ACYP2: variants seen among roughly 807,000 people sequenced by gnomAD.
ACYP2 encodes the protein acylphosphatase-2.
Under a neutral mutation model 11.2 loss-of-function variants are expected in ACYP2, and 12 were observed. That is an observed-to-expected ratio of 1.08 (90% confidence interval 0.69 to 1.74). The LOEUF is 1.74. Ranked by LOEUF, ACYP2 falls within the 40% of genes most tolerant of loss-of-function variation. The probability of loss-of-function intolerance (pLI) is 0.00; values close to 1 mark genes in which losing one functional copy is unlikely to be tolerated. For synonymous variants in ACYP2, 43 were observed against 32.2 expected, an observed-to-expected ratio of 1.33 and a Z score of -1.13; for missense variants, 134 against 101.9, an observed-to-expected ratio of 1.31 and a Z score of -1.35.
intron 4 of ACYP2, among the ~76,000 whole-genome samples, chr2:54,086,398 G>A (rs13412439): frequency 0.026 from 3,973 of 152,236 alleles, 167 homozygotes; most frequent in African/African-American, 0.092. Flanking sequence ...CTGTGGGGAG[G>A]ACTTCAGATG....
intron 6 of ACYP2, among the ~76,000 whole-genome samples, chr2:54,268,129 T>G (rs1023050643): frequency 1.3e-5 from 2 of 152,200 alleles, no homozygotes; most frequent in African/African-American, 4.8e-5. Context: ...ACCACAACAT[T>G]TAATTCCTTT....
intron 6 of ACYP2, among the ~76,000 whole-genome samples, chr2:54,195,353 TC>T (rs1434175158): frequency 1.3e-5 from 2 of 152,226 alleles, no homozygotes; most frequent in African/African-American, 4.8e-5. Context: ...TAGATATATA[TC>T]CTTTGACAGT....
At chr2:54,111,133 G>A (rs577140375) in intron 4 of ACYP2, among the ~76,000 whole-genome samples, 1 of 152,174 alleles carries the variant, frequency 6.6e-6, no homozygotes, top group African/African-American at 2.4e-5. Flanking sequence ...GCTGGGATGG[G>A]GCACTTAATA....
intron 4 of ACYP2, among the ~76,000 whole-genome samples, chr2:54,096,097 A>C (rs1458741437): frequency 1.5e-5 from 2 of 129,470 alleles, no homozygotes; most frequent in African/African-American, 6.0e-5. Flanking sequence ...CGGGGCGGAG[A>C]CGCTCCTCAC....
intron 2 of ACYP2, among the ~76,000 whole-genome samples, chr2:53,983,923 G>C (rs923898260): frequency 6.6e-6 from 1 of 152,148 alleles, no homozygotes; most frequent in Non-Finnish European, 1.5e-5. Context: ...CAAGAAAAGA[G>C]ACAAGAAGGT....
At chr2:54,122,687 A>G (rs2103744766) in intron 4 of ACYP2, among the ~76,000 whole-genome samples, 1 of 152,250 alleles carries the variant, frequency 6.6e-6, no homozygotes. Context: ...AGGAATCAGG[A>G]CTCTCAGAAA....
chr2:53,993,914 G>A (rs556833170), intron 2 of ACYP2, among the ~76,000 whole-genome samples: 2 of 152,212 alleles, frequency 1.3e-5, no homozygotes, highest in South Asian at 2.1e-4. Context: ...GGCCAGGCAC[G>A]GTGGTTCACG....
rs182535788 is a variant in ACYP2, at chr2:54,029,463, A to G, written c.63-21495A>G. Reference sequence around the variant, plus strand: ...TGTATATATGTATATGTACACACACATATATGTGTATATATGTATTATGCA... The same window carrying G: ...TGTATATATGTATATGTACACACACGTATATGTGTATATATGTATTATGCA... On this transcript the variant is annotated intron_variant, in intron 2 of 6. Transcript: ENST00000607452. 1.3e-3 allele frequency: 427 copies of G among 320,094 alleles called. 1 individual carries two copies. The highest frequency in any genetic ancestry group is 8.8e-3 in the African/African-American group (406 of 46,190). The allele number at this position is 320,094 out of a possible 1,614,324, so 19.8% of individuals were successfully genotyped here. A position where few individuals can be genotyped will look rare whatever the true frequency, so the allele number is the denominator to read the frequency against.
chr2:54,255,640 A>G, intron 6 of ACYP2: 5 of 1,613,310 alleles, frequency 3.1e-6, no homozygotes, highest in Non-Finnish European at 4.2e-6. Context: ...CGCCACGTCC[A>G]TTTCTTCGCC....
intron 4 of ACYP2, among the ~76,000 whole-genome samples, chr2:54,107,305 CTTTA>C (rs1679218273): frequency 6.6e-6 from 1 of 152,060 alleles, no homozygotes; most frequent in African/African-American, 2.4e-5. Flanking sequence ...CTACCTAAGC[CTTTA>C]TTTATTCTAT....
intron 6 of ACYP2, among the ~76,000 whole-genome samples, chr2:54,187,953 G>A (rs1349151363): frequency 2.0e-5 from 3 of 152,180 alleles, no homozygotes; most frequent in African/African-American, 7.2e-5. Flanking sequence ...CTTCTGCCAT[G>A]TGAGAACACA....
chr2:54,219,829 A>ATATATATGTGTGTATGTGTG (rs796177863), intron 6 of ACYP2, among the ~76,000 whole-genome samples: 29,904 of 140,356 alleles, frequency 0.21, 3,514 homozygotes, highest in South Asian at 0.37. Flanking sequence ...GTGTGTGTGT[A>ATATATATGTGTGTATGTGTG]TATATATGTG....
intron 6 of ACYP2, among the ~76,000 whole-genome samples, chr2:54,151,902 T>C (rs1682189706): frequency 6.6e-6 from 1 of 152,114 alleles, no homozygotes; most frequent in Non-Finnish European, 1.5e-5. Context: ...AAAAAATTAA[T>C]AGACTTTCTT....
At chr2:54,280,973 A>G (rs843718) in intron 6 of ACYP2, among the ~76,000 whole-genome samples, 60,188 of 151,978 alleles carry the variant, frequency 0.4, 12,208 homozygotes, top group Admixed American at 0.51. Context: ...CCAGGTGGGA[A>G]AGGAAACATC....
intron 6 of ACYP2, among the ~76,000 whole-genome samples, chr2:54,224,931 G>A (rs1685947380): frequency 1.3e-5 from 2 of 152,186 alleles, no homozygotes; most frequent in African/African-American, 4.8e-5. Context: ...AAGTAGGCAG[G>A]ATGGAAGAAA....
chr2:54,266,869 A>G (rs1380503085), intron 6 of ACYP2, among the ~76,000 whole-genome samples: 1 of 151,868 alleles, frequency 6.6e-6, no homozygotes, highest in African/African-American at 2.4e-5. Flanking sequence ...TCAGCCTCCC[A>G]AAGTGCTGGG....
chr2:54,178,265 A>G (rs562612857), intron 6 of ACYP2, among the ~76,000 whole-genome samples: 8 of 152,336 alleles, frequency 5.3e-5, no homozygotes, highest in Non-Finnish European at 1.0e-4. Flanking sequence ...ATCACAATAC[A>G]TCAAAGCATT....
chr2:54,176,998 G>T (rs185571752), intron 6 of ACYP2, among the ~76,000 whole-genome samples: 1 of 152,128 alleles, frequency 6.6e-6, no homozygotes, highest in Non-Finnish European at 1.5e-5. Context: ...CAACAAACCC[G>T]CATGCAAATC....
At chr2:54,093,626 G>T (rs1257534663) in intron 4 of ACYP2, among the ~76,000 whole-genome samples, 1 of 152,180 alleles carries the variant, frequency 6.6e-6, no homozygotes, top group African/African-American at 2.4e-5. Flanking sequence ...TCTGTCAAGT[G>T]GGAATAACAA....
Sources: allele counts gnomAD v4.1 joint callset (sites outside exome capture counted in the v4.1 genomes callset), GRCh38; gene constraint gnomAD v4.1.1; transcripts MANE v1.5; gene names NCBI Gene and HGNC (gene_info 2026-07-23, HGNC 2026-07-21).